Variants in ADAMTSL1 observed in about 807,000 individuals in gnomAD.
ADAMTSL1 encodes ADAMTS like 1, also known as ADAMTS-like protein 1.
In ADAMTSL1, 126 loss-of-function variants were observed where a neutral mutation model predicts 201.8. That is an observed-to-expected ratio of 0.62 (90% CI 0.54 to 0.72). ADAMTSL1 has a LOEUF of 0.72. Ranked by LOEUF, ADAMTSL1 falls within the 30% of genes least tolerant of loss-of-function variation. The pLI is 0.00. For synonymous variants in ADAMTSL1, 1,121 were observed against 903.4 expected, an observed-to-expected ratio of 1.24 and a Z score of -4.32; for missense variants, 2,679 against 2,277.8, an observed-to-expected ratio of 1.18 and a Z score of -3.59.
At chr9:18,406,299 CTTT>C in intron 2 of ADAMTSL1, among the ~76,000 whole-genome samples, 1 of 90,146 alleles carries the variant, frequency 1.1e-5, no homozygotes, top group Admixed American at 1.0e-4. Context: ...TTTTTCTTTT[CTTT>C]TCTTTTCTTT....
chr9:18,809,146 TTC>T, intron 20 of ADAMTSL1, among the ~76,000 whole-genome samples: 1 of 152,112 alleles, frequency 6.6e-6, no homozygotes, highest in Non-Finnish European at 1.5e-5. Flanking sequence ...AGAAGATAAA[TTC>T]TGTTAGTTCT....
chr9:18,234,693 A>G (rs1301657161), intron 2 of ADAMTSL1, among the ~76,000 whole-genome samples: 1 of 152,200 alleles, frequency 6.6e-6, no homozygotes, highest in Non-Finnish European at 1.5e-5. Flanking sequence ...AATTCAACCA[A>G]ACACCTCTTA....
chr9:18,345,464 G>A (rs1009767205), intron 2 of ADAMTSL1, among the ~76,000 whole-genome samples: 1 of 152,116 alleles, frequency 6.6e-6, no homozygotes, highest in Non-Finnish European at 1.5e-5. Context: ...CGAGAATGAT[G>A]TTAACATCAC....
intron 1 of ADAMTSL1, among the ~76,000 whole-genome samples, chr9:18,088,126 G>C (rs1013774772): frequency 6.6e-6 from 1 of 152,154 alleles, no homozygotes; most frequent in African/African-American, 2.4e-5. Flanking sequence ...TTTGATAATA[G>C]TGCCAAAAAC....
intron 2 of ADAMTSL1, 24 bp downstream of exon 2, chr9:18,504,980 T>A (rs1282953761): frequency 2.7e-5 from 43 of 1,589,160 alleles, no homozygotes; most frequent in Middle Eastern, 3.4e-4. Flanking sequence ...CCGTTGGGGG[T>A]CTTTGTGAGA....
chr9:18,364,735 A>G (rs906103539), intron 2 of ADAMTSL1, among the ~76,000 whole-genome samples: 1 of 152,206 alleles, frequency 6.6e-6, no homozygotes, highest in Non-Finnish European at 1.5e-5. Context: ...TACAAGAAGC[A>G]TACTAGCTTC....
Position 18,540,906 on chromosome 9 carries a change from G to A in ADAMTSL1, c.237+7614G>A, listed in dbSNP as rs944298658. 2.0e-5 allele frequency among the ~76,000 whole-genome samples: 3 copies of A among 152,238 alleles called. No individual in the cohort carries two copies. In the East Asian group the frequency reaches 5.8e-4, roughly 29 times the overall value. On this transcript the variant is annotated intron_variant, in intron 3 of 28. Coordinates refer to ENST00000380548, the MANE Select transcript of ADAMTSL1 (RefSeq NM_001040272.6). ...TACTAGAGAGGGCCTCCAAGAACCTGGCTGCTGCTTCACCCTGCCACAGAC... is the reference window on the plus strand; with the variant it reads ...TACTAGAGAGGGCCTCCAAGAACCTAGCTGCTGCTTCACCCTGCCACAGAC...
At chr9:17,983,546 G>T (rs1432014790) in intron 1 of ADAMTSL1, among the ~76,000 whole-genome samples, 1 of 152,112 alleles carries the variant, frequency 6.6e-6, no homozygotes, top group African/African-American at 2.4e-5. Flanking sequence ...ACTCTATGTG[G>T]TTAGTTTTCT....
chr9:18,647,002 G>A (rs1270060489), intron 7 of ADAMTSL1, among the ~76,000 whole-genome samples: 2 of 152,118 alleles, frequency 1.3e-5, no homozygotes, highest in African/African-American at 4.8e-5. Context: ...AAATTTGGCT[G>A]TGAATCCATC....
chr9:18,676,759 T>C lies in ADAMTSL1; in HGVS notation c.1136+852T>C, dbSNP rs566442029. Among the ~76,000 whole-genome samples, 151 of 152,196 alleles carry C rather than the reference T, an allele frequency of 9.9e-4. 1 individual carries two copies. Among genetic ancestry groups the C allele is most frequent in the Middle Eastern group, 3.4e-3 (1 of 294 alleles). ...CCAAGGGTTTATATCAGATCATAAA[T>C]GGTTGGAGTAATCCACAGCAGCCTG... On this transcript the variant is annotated intron_variant, in intron 10 of 28. Transcript: ENST00000380548.
At chr9:18,047,632 T>A (rs898968923) in intron 1 of ADAMTSL1, among the ~76,000 whole-genome samples, 1 of 152,066 alleles carries the variant, frequency 6.6e-6, no homozygotes, top group Non-Finnish European at 1.5e-5. Context: ...GGTGGGGTGA[T>A]GACACTGGTT....
intron 1 of ADAMTSL1, among the ~76,000 whole-genome samples, chr9:18,047,130 G>T (rs1483354713): frequency 1.3e-5 from 2 of 152,146 alleles, no homozygotes; most frequent in Non-Finnish European, 2.9e-5. Flanking sequence ...ACAGAGCACT[G>T]TATGAGTCTA....
rs1056825314 is a variant in ADAMTSL1, at chr9:17,911,042, T to A, written c.87+4120T>A. Reference sequence around the variant, plus strand: ...AGCTTTTGCTACCCAAATGGAATGATGTTTGAGCTATATTCTCCAAATAGT... The same window carrying A: ...AGCTTTTGCTACCCAAATGGAATGAAGTTTGAGCTATATTCTCCAAATAGT... On this transcript the variant is annotated intron_variant, in intron 1 of 29. Transcript: ENST00000680146. Among the ~76,000 whole-genome samples the A allele has an allele frequency of 3.8e-4, 26 of 68,800 alleles. 6 individuals carry two copies. The highest frequency in any genetic ancestry group is 7.6e-4 in the African/African-American group (26 of 34,110). The allele number at this position is 68,800 out of a possible 152,430, so 45.1% of individuals were successfully genotyped here.
intron 23 of ADAMTSL1, among the ~76,000 whole-genome samples, chr9:18,842,479 A>AGGTGT (rs943268234): frequency 6.0e-4 from 91 of 152,218 alleles, no homozygotes; most frequent in African/African-American, 2.1e-3. Context: ...ATTTTGGAAT[A>AGGTGT]GGTGTGGTGT....
intron 3 of ADAMTSL1, among the ~76,000 whole-genome samples, chr9:18,556,812 AAAATTATATTTAAAG>A (rs1331308365): frequency 6.6e-6 from 1 of 152,032 alleles, no homozygotes; most frequent in African/African-American, 2.4e-5. Flanking sequence ...CACTTTAATT[AAAATTATATTTAAAG>A]AAATTATATT....
intron 25 of ADAMTSL1, among the ~76,000 whole-genome samples, chr9:18,891,893 T>A (rs1258598177): frequency 6.6e-6 from 1 of 152,178 alleles, no homozygotes; most frequent in Non-Finnish European, 1.5e-5. Context: ...ACAACAAATT[T>A]ATTCTCTTAC....
chr9:18,667,295 G>T (rs1829506890), intron 9 of ADAMTSL1, among the ~76,000 whole-genome samples: 2 of 145,228 alleles, frequency 1.4e-5, no homozygotes, highest in African/African-American at 5.1e-5. Context: ...CAAAAAAAAA[G>T]TCTCAAATTC....
intron 1 of ADAMTSL1, among the ~76,000 whole-genome samples, chr9:17,956,050 A>G: frequency 6.6e-6 from 1 of 152,226 alleles, no homozygotes; most frequent in East Asian, 1.9e-4. Context: ...TGACAACCAA[A>G]TACTGTGGAA....
chr9:18,102,431 C>A (rs1368736002), intron 1 of ADAMTSL1, among the ~76,000 whole-genome samples: 1 of 152,116 alleles, frequency 6.6e-6, no homozygotes, highest in African/African-American at 2.4e-5. Context: ...GAATTATATA[C>A]AAATATGACA....
Sources: allele counts gnomAD v4.1 joint callset (sites outside exome capture counted in the v4.1 genomes callset), GRCh38; gene constraint gnomAD v4.1.1; transcripts MANE v1.5; gene names NCBI Gene and HGNC (gene_info 2026-07-23, HGNC 2026-07-21).